SCAMP1: variants seen among roughly 807,000 people sequenced by gnomAD.
SCAMP1 encodes the protein secretory carrier-associated membrane protein 1.
A neutral mutation model predicts 41.8 loss-of-function variants in SCAMP1; 15 were observed. The ratio of observed to expected loss-of-function variants is 0.36; its 90% CI spans 0.24 to 0.55. SCAMP1 has a LOEUF of 0.55. Ranked by LOEUF, SCAMP1 falls within the 20% of genes least tolerant of loss-of-function variation. The pLI, the probability that SCAMP1 is intolerant of heterozygous loss-of-function variation, is 0.86. For synonymous variants in SCAMP1, 135 were observed against 136.8 expected (o/e 0.99, Z 0.09); for missense variants, 341 against 412.6 (o/e 0.83, Z 1.50).
chr5:78,430,661 T>C (rs1752598379), intron 6 of SCAMP1, among the ~76,000 whole-genome samples: 1 of 151,996 alleles, frequency 6.6e-6, no homozygotes, highest in African/African-American at 2.4e-5. Context: ...GTACTTTGTA[T>C]TATTTAGTCT....
chr5:78,369,497 A>G (rs1750891137), intron 1 of SCAMP1, among the ~76,000 whole-genome samples: 1 of 152,200 alleles, frequency 6.6e-6, no homozygotes, highest in Admixed American at 6.5e-5. Context: ...ATCAAGTATC[A>G]CTGATCACAG....
chr5:78,441,745 C>G lies in SCAMP1; in HGVS notation c.633-8188C>G, dbSNP rs568124498. 1.5e-4 allele frequency among the ~76,000 whole-genome samples: 23 copies of G among 152,154 alleles called. No homozygotes were observed. The South Asian group carries it at 4.4e-3, about 29-fold the overall frequency. ...TGGGAGGCTGAGGCAAGAGAATTGC[C>G]TGAACCTGGGAGGCGGAGTGAGCCA... On this transcript the variant is annotated intron_variant, in intron 6 of 8. Transcript: ENST00000621999.
intron 1 of SCAMP1, among the ~76,000 whole-genome samples, chr5:78,383,846 A>T (rs528236794): frequency 6.6e-6 from 1 of 152,262 alleles, no homozygotes; most frequent in Admixed American, 6.5e-5. Context: ...CTTATGGTAT[A>T]GTTTGAAGTC....
chr5:78,447,207 C>T (rs1462726640), intron 6 of SCAMP1, among the ~76,000 whole-genome samples: 27 of 152,170 alleles, frequency 1.8e-4, no homozygotes, highest in Non-Finnish European at 4.4e-5. Context: ...GTCCCTGGTG[C>T]CAAAAAGGTT....
chr5:78,364,179 T>G (rs1315699342), intron 1 of SCAMP1, among the ~76,000 whole-genome samples: 1 of 152,046 alleles, frequency 6.6e-6, no homozygotes, highest in Non-Finnish European at 1.5e-5. Flanking sequence ...GCTTGGAAAA[T>G]GAATGAAAGG....
chr5:78,420,946 A>G (rs1321284877), intron 5 of SCAMP1, among the ~76,000 whole-genome samples: 1 of 152,230 alleles, frequency 6.6e-6, no homozygotes, highest in Non-Finnish European at 1.5e-5. Flanking sequence ...GATAATTTAC[A>G]TTAAACATCA....
chr5:78,394,446 C>T (rs1469807161), intron 2 of SCAMP1, among the ~76,000 whole-genome samples: 2 of 152,042 alleles, frequency 1.3e-5, no homozygotes, highest in African/African-American at 4.8e-5. Context: ...TGGTCTCAAA[C>T]TCCTGGACTC....
intron 1 of SCAMP1, among the ~76,000 whole-genome samples, chr5:78,366,866 A>G (rs775024903): frequency 1.3e-4 from 19 of 150,386 alleles, no homozygotes; most frequent in Non-Finnish European, 1.8e-4. Flanking sequence ...CACACCTGTA[A>G]TCTAAGCTAC....
chr5:78,391,926 A>AG (rs1318097282), intron 2 of SCAMP1, among the ~76,000 whole-genome samples: 2 of 152,086 alleles, frequency 1.3e-5, no homozygotes, highest in African/African-American at 4.8e-5. Context: ...AGAATCAGGC[A>AG]GGGAGGTTGC....
chr5:78,460,089 A>G (rs906862316), intron 8 of SCAMP1, among the ~76,000 whole-genome samples: 1 of 152,216 alleles, frequency 6.6e-6, no homozygotes, highest in South Asian at 2.1e-4. Context: ...ACATAATTTC[A>G]TTTTTTAGGT....
At chr5:78,443,602 CTCTT>C (rs1561278870) in intron 6 of SCAMP1, among the ~76,000 whole-genome samples, 1 of 143,376 alleles carries the variant, frequency 7.0e-6, no homozygotes, top group Non-Finnish European at 1.5e-5. Context: ...AGTTCAGAGT[CTCTT>C]TCATTCCAGT....
At chr5:78,447,789 CTTTCTT>C (rs139652319) in intron 6 of SCAMP1, among the ~76,000 whole-genome samples, 53,161 of 147,068 alleles carry the variant, frequency 0.36, 11,708 homozygotes, top group Non-Finnish European at 0.5. Flanking sequence ...TCAAAAGAAA[CTTTCTT>C]CTTCTTCTTC....
At chr5:78,424,296 C>T (rs1477496793) in intron 6 of SCAMP1, among the ~76,000 whole-genome samples, 3 of 152,048 alleles carry the variant, frequency 2.0e-5, no homozygotes, top group Admixed American at 6.6e-5. Context: ...CTTTGTTCTC[C>T]GTAAGGTAAA....
intron 8 of SCAMP1, among the ~76,000 whole-genome samples, chr5:78,469,921 AAAAAAAAAAAACAAC>A (rs1561290974): frequency 0.055 from 1,324 of 24,192 alleles, 57 homozygotes; most frequent in African/African-American, 0.22. Flanking sequence ...AACAAAAAAA[AAAAAAAAAAAACAAC>A]AACACAGCCC....
At chr5:78,447,366 A>G (rs1753077301) in intron 6 of SCAMP1, among the ~76,000 whole-genome samples, 1 of 152,086 alleles carries the variant, frequency 6.6e-6, no homozygotes, top group Non-Finnish European at 1.5e-5. Context: ...AAGACTTACT[A>G]GAAAACTTCA....
chr5:78,399,425 A>C (rs1310099842), intron 2 of SCAMP1, among the ~76,000 whole-genome samples: 1 of 152,156 alleles, frequency 6.6e-6, no homozygotes, highest in Non-Finnish European at 1.5e-5. Context: ...ACTATTTTGC[A>C]CTCCAACCAG....
At chr5:78,366,560 A>G (rs1480348746) in intron 1 of SCAMP1, among the ~76,000 whole-genome samples, 1 of 152,206 alleles carries the variant, frequency 6.6e-6, no homozygotes, top group Non-Finnish European at 1.5e-5. Context: ...GATAGGTTTC[A>G]GCATGTGATT....
At chr5:78,444,792 G>A (rs1048179855) in intron 6 of SCAMP1, among the ~76,000 whole-genome samples, 4 of 152,192 alleles carry the variant, frequency 2.6e-5, no homozygotes, top group African/African-American at 9.7e-5. Context: ...GTATCAACAA[G>A]TAATGTTTAT....
In SCAMP1 at chr5:78,479,818, G is replaced by A. The variant is rs549112615; in HGVS notation, c.*4150G>A. 2.0e-5 allele frequency among the ~76,000 whole-genome samples: 3 copies of A among 152,152 alleles called. No homozygotes were observed. Among genetic ancestry groups the A allele is most frequent in the East Asian group, 3.9e-4 (2 of 5,182 alleles). On this transcript the variant is annotated 3_prime_UTR_variant, in exon 9 of 9. Transcript: ENST00000621999. Reference sequence around the variant, plus strand: ...AGCACTTTGGGAGGCCAAGGTGGGCGGATCACGAGGTCAGGAGATCGAAAC... The same window carrying A: ...AGCACTTTGGGAGGCCAAGGTGGGCAGATCACGAGGTCAGGAGATCGAAAC...
Sources: allele counts gnomAD v4.1 joint callset (sites outside exome capture counted in the v4.1 genomes callset), GRCh38; gene constraint gnomAD v4.1.1; transcripts MANE v1.5; gene names NCBI Gene and HGNC (gene_info 2026-07-23, HGNC 2026-07-21).